The following ATP7A variants were observed in gnomAD, a reference collection of about 807,000 sequenced individuals.
ATP7A encodes ATPase copper transporting alpha.
ATP7A carries 7 observed loss-of-function variants against 83.5 expected under a neutral mutation model. The ratio of observed to expected loss-of-function variants is 0.08; its 90% CI spans 0.05 to 0.16. The LOEUF (loss-of-function observed/expected upper bound fraction) is 0.16, where lower values mean the gene tolerates loss of function less well. Among genes scored for constraint, ATP7A ranks in the 10% least tolerant of loss-of-function variants. The pLI is 1.00. For missense variants in ATP7A, 940 were observed against 1,120.8 expected, an observed-to-expected ratio of 0.84 and a Z score of 2.30; for synonymous variants, 354 against 395.2, an observed-to-expected ratio of 0.90 and a Z score of 1.24.
chrX:78,017,761 G>GTT (rs2077876895), intron 12 of ATP7A, among the ~76,000 whole-genome samples: 1 of 54,384 alleles, frequency 1.8e-5, no homozygotes, highest in Non-Finnish European at 3.4e-5. Context: ...CTCTTTTCTT[G>GTT]TTTCTTTTTT....
chrX:78,040,868 T>G (rs1339030833), intron 19 of ATP7A, 135 bp downstream of exon 19: 1 of 800,814 alleles, frequency 1.2e-6, no homozygotes, highest in African/African-American at 2.1e-5. Flanking sequence ...TTCAAGAAAA[T>G]TTACCATGCT....
intron 2 of ATP7A, among the ~76,000 whole-genome samples, chrX:77,978,653 T>C (rs782182895): frequency 9.0e-6 from 1 of 111,541 alleles, no homozygotes; most frequent in South Asian, 3.7e-4. Flanking sequence ...TATTTTTATT[T>C]TCTTTATATA....
chrX:77,931,130 C>G (rs996218927), intron 1 of ATP7A, among the ~76,000 whole-genome samples: 19 of 107,299 alleles, frequency 1.8e-4, no homozygotes, highest in African/African-American at 6.1e-4. Context: ...GAACAAAGGT[C>G]TCTGGTTTTC....
chrX:77,997,442 T>C (rs1407567304), intron 4 of ATP7A, among the ~76,000 whole-genome samples: 6 of 112,452 alleles, frequency 5.3e-5, no homozygotes. Context: ...AACTTGCTCA[T>C]CTTCAACATC....
chrX:77,948,295 T>C (rs1557226424), intron 1 of ATP7A, among the ~76,000 whole-genome samples: 1 of 109,133 alleles, frequency 9.2e-6, no homozygotes, highest in Non-Finnish European at 1.9e-5. Flanking sequence ...GCCCCGCTAA[T>C]GTTTTTGTAT....
chrX:77,919,640 G>A (rs980565891), intron 1 of ATP7A, among the ~76,000 whole-genome samples: 6 of 111,827 alleles, frequency 5.4e-5, no homozygotes, highest in East Asian at 2.8e-4. Flanking sequence ...ACAGGCACAC[G>A]CCACCCCTGG....
chrX:77,919,286 A>G (rs2077199349), intron 1 of ATP7A, among the ~76,000 whole-genome samples: 1 of 111,265 alleles, frequency 9.0e-6, no homozygotes, highest in South Asian at 3.7e-4. Flanking sequence ...GAGGAAACTT[A>G]TAATGCCACT....
Position 78,042,805 on chromosome X carries a change from G to T in ATP7A, c.4005+17G>T, listed in dbSNP as rs1557238609. On this transcript the variant is annotated intron_variant, in intron 20 of 22. Coordinates refer to ENST00000341514, the MANE Select transcript of ATP7A (RefSeq NM_000052.7). ...TTGATAAGGGTAAGTGCCATGGCTT[G>T]ACCTTTGAGGAGTATGAGACTGCCC... 2 of 1,202,351 alleles carry T rather than the reference G, an allele frequency of 1.7e-6. No individual in the cohort carries two copies. The highest frequency in any genetic ancestry group is 2.3e-6 in the Non-Finnish European group (2 of 887,920).
At chrX:77,926,485 C>T (rs182478280) in intron 1 of ATP7A, among the ~76,000 whole-genome samples, 1 of 109,897 alleles carries the variant, frequency 9.1e-6, no homozygotes, top group Non-Finnish European at 1.9e-5. Flanking sequence ...CGTCCACCAC[C>T]ACACCCGGCT....
chrX:78,038,183 C>T (rs987554986), intron 17 of ATP7A, among the ~76,000 whole-genome samples: 53 of 108,150 alleles, frequency 4.9e-4, no homozygotes, highest in African/African-American at 1.7e-3. Flanking sequence ...AAGCTAGATA[C>T]ACAGACACAG....
intron 1 of ATP7A, among the ~76,000 whole-genome samples, chrX:77,931,574 A>T (rs1342267739): frequency 7.4e-4 from 75 of 101,367 alleles, no homozygotes; most frequent in African/African-American, 2.6e-3. Context: ...GGCTCCTCAC[A>T]TCCCAGTAGG....
chrX:77,990,940 G>T (rs2077665807), intron 4 of ATP7A, among the ~76,000 whole-genome samples: 1 of 111,985 alleles, frequency 8.9e-6, no homozygotes, highest in South Asian at 3.6e-4. Flanking sequence ...TGTCTAAATT[G>T]TTATGGTAGA....
chrX:77,973,102 G>A (rs1287743100), intron 2 of ATP7A, among the ~76,000 whole-genome samples: 1 of 110,678 alleles, frequency 9.0e-6, no homozygotes, highest in African/African-American at 3.3e-5. Context: ...CTTTCATATG[G>A]CTCATAAGCT....
intron 1 of ATP7A, among the ~76,000 whole-genome samples, chrX:77,914,101 G>A (rs782752229): frequency 9.0e-6 from 1 of 111,487 alleles, no homozygotes; most frequent in East Asian, 2.8e-4. Flanking sequence ...CTCGCTCTGT[G>A]GCCCAGGCTA....
At chrX:77,987,569 C>T (rs190475140) in intron 2 of ATP7A, among the ~76,000 whole-genome samples, 42 of 108,648 alleles carry the variant, frequency 3.9e-4, no homozygotes, top group Non-Finnish European at 7.8e-4. Flanking sequence ...AACTAAGCTA[C>T]AAGAATATAA....
chrX:78,040,223 G>T (rs1291914000), intron 18 of ATP7A, among the ~76,000 whole-genome samples: 2 of 94,324 alleles, frequency 2.1e-5, no homozygotes, highest in African/African-American at 3.9e-5. Context: ...ACCTTAAAAA[G>T]AAAAAAAGTA....
At chrX:78,024,388 A>G (rs2077928503) in intron 14 of ATP7A, among the ~76,000 whole-genome samples, 2 of 111,436 alleles carry the variant, frequency 1.8e-5, no homozygotes, top group Non-Finnish European at 3.8e-5. Flanking sequence ...ACAGTATGGT[A>G]GATAGGATTA....
At position 78,048,539 on chromosome X, in the gene ATP7A, T is replaced by A. The variant is rs2078095100; in HGVS notation, c.*1969T>A. 8.9e-6 allele frequency: 1 copy of A among 112,029 alleles called. No homozygotes were observed. 9.2% of individuals were successfully genotyped at this position (112,029 alleles called of 1,213,427 possible). A position where few individuals can be genotyped will look rare whatever the true frequency, so the allele number is the denominator to read the frequency against. ...CTTTCATATATACACATGCAAAGTT[T>A]ACAACCTTATTCCATGCTGTCTTTC... On this transcript the variant is annotated 3_prime_UTR_variant, in exon 23 of 23. Coordinates refer to ENST00000341514, the MANE Select transcript of ATP7A (RefSeq NM_000052.7).
chrX:78,038,766 G>A (rs2078029465), intron 17 of ATP7A, 70 bp from the exon 18 acceptor site: 1 of 1,127,737 alleles, frequency 8.9e-7, no homozygotes, highest in African/African-American at 1.8e-5. Context: ...TAGACAGGAA[G>A]AACTTGCTTC....
Sources: gnomAD v4.1 joint callset for allele counts (sites outside exome capture counted in the v4.1 genomes callset) on GRCh38, gnomAD v4.1.1 for gene constraint, MANE v1.5 for transcripts, NCBI Gene and HGNC (gene_info 2026-07-23, HGNC 2026-07-21) for gene names.